The following WDR7 variants were observed in gnomAD, a reference collection of about 807,000 sequenced individuals.
WDR7 encodes the protein WD repeat-containing protein 7.
In WDR7, 46 loss-of-function variants were observed where a neutral mutation model predicts 169.4. The observed-to-expected ratio is 0.27, with a 90% CI of 0.21 to 0.35. The LOEUF (loss-of-function observed/expected upper bound fraction) is 0.35. WDR7 is among the 10% of genes least tolerant of loss of function. The pLI is 1.00. For missense variants in WDR7, 1,534 were observed against 1,859.3 expected (o/e 0.83, Z 3.22); for synonymous variants, 612 against 666.8 (o/e 0.92, Z 1.27).
At chr18:56,806,686 T>C (rs2044779188) in intron 19 of WDR7, among the ~76,000 whole-genome samples, 4 of 152,166 alleles carry the variant, frequency 2.6e-5, no homozygotes, top group Admixed American at 2.6e-4. Context: ...TGTGCTTAAA[T>C]TTATTTAATG....
intron 20 of WDR7, among the ~76,000 whole-genome samples, chr18:56,876,261 A>T (rs2046020509): frequency 2.0e-5 from 3 of 152,192 alleles, no homozygotes; most frequent in Admixed American, 1.3e-4. Context: ...TTTAATCAAC[A>T]TATAGCGCAA....
At chr18:56,769,655 A>C (rs2044122401) in intron 16 of WDR7, among the ~76,000 whole-genome samples, 1 of 152,232 alleles carries the variant, frequency 6.6e-6, no homozygotes, top group Non-Finnish European at 1.5e-5. Context: ...AAGTTTAAGC[A>C]ATGTAAAGTT....
intron 21 of WDR7, among the ~76,000 whole-genome samples, chr18:56,890,345 T>G (rs545044240): frequency 8.3e-4 from 126 of 152,312 alleles, no homozygotes; most frequent in African/African-American, 2.8e-3. Context: ...AAGTACTCCC[T>G]GTGCTTTTTA....
At chr18:57,002,254 T>A (rs908540245) in intron 26 of WDR7, among the ~76,000 whole-genome samples, 2 of 152,154 alleles carry the variant, frequency 1.3e-5, no homozygotes, top group African/African-American at 2.4e-5. Context: ...CATAAAAAAA[T>A]TAAACATAAC....
chr18:56,942,438 T>C (rs897582210), intron 25 of WDR7, among the ~76,000 whole-genome samples: 1 of 152,214 alleles, frequency 6.6e-6, no homozygotes, highest in Non-Finnish European at 1.5e-5. Context: ...CTGTCTGGTT[T>C]CTTTATGCAG....
At chr18:56,690,607 G>C (rs2025543745) in intron 7 of WDR7, among the ~76,000 whole-genome samples, 1 of 152,096 alleles carries the variant, frequency 6.6e-6, no homozygotes, top group South Asian at 2.1e-4. Flanking sequence ...TTGAGCCCAG[G>C]AGTTCGAGAC....
chr18:56,787,925 C>T (rs889503124), intron 19 of WDR7, among the ~76,000 whole-genome samples: 6 of 152,054 alleles, frequency 3.9e-5, no homozygotes, highest in African/African-American at 1.2e-4. Flanking sequence ...AGGAAGAGGA[C>T]GGGGGGAAGG....
At chr18:57,010,437 A>G (rs2048120697) in intron 26 of WDR7, 1 of 330,638 alleles carries the variant, frequency 3.0e-6, no homozygotes, top group Non-Finnish European at 4.3e-6. Flanking sequence ...ATATTTTTAA[A>G]TGTTAAATTA....
intron 22 of WDR7, among the ~76,000 whole-genome samples, chr18:56,935,057 C>A (rs1424350320): frequency 6.6e-6 from 1 of 152,086 alleles, no homozygotes; most frequent in Non-Finnish European, 1.5e-5. Flanking sequence ...TAGCATCACT[C>A]TCCTATCATG....
At chr18:56,854,255 C>T (rs2045684039) in intron 20 of WDR7, among the ~76,000 whole-genome samples, 1 of 152,214 alleles carries the variant, frequency 6.6e-6, no homozygotes, top group African/African-American at 2.4e-5. Context: ...CAGCTGACTA[C>T]AAAACATACT....
At chr18:56,691,184 G>C (rs761298496) in intron 7 of WDR7, 32 bp from the exon 8 acceptor site, 1 of 1,595,438 alleles carries the variant, frequency 6.3e-7, no homozygotes, top group East Asian at 2.3e-5. Flanking sequence ...CAACAATATG[G>C]AGTAGATTGT....
chr18:56,900,863 T>G (rs2046392499), intron 21 of WDR7, among the ~76,000 whole-genome samples: 1 of 152,170 alleles, frequency 6.6e-6, no homozygotes, highest in South Asian at 2.1e-4. Context: ...TTTTTCCCCT[T>G]GCCGGATCTC....
intron 16 of WDR7, 111 bp downstream of exon 16, chr18:56,759,064 A>G (rs1236110442): frequency 2.5e-6 from 2 of 793,080 alleles, no homozygotes; most frequent in Non-Finnish European, 3.7e-6. Context: ...GTTAAAAGAG[A>G]GAAAAGTTGT....
chr18:57,015,559 G>C (rs2048194735), intron 26 of WDR7, among the ~76,000 whole-genome samples: 1 of 151,972 alleles, frequency 6.6e-6, no homozygotes, highest in South Asian at 2.1e-4. Context: ...CGATGTCTTT[G>C]TCTTCTCTCT....
chr18:56,777,535 A>G (rs2044259323), intron 17 of WDR7, among the ~76,000 whole-genome samples: 1 of 152,166 alleles, frequency 6.6e-6, no homozygotes, highest in East Asian at 1.9e-4. Context: ...CCTTTATTCC[A>G]TAAGACCTAT....
At chr18:56,662,429 A>G (rs1285959450) in intron 1 of WDR7, among the ~76,000 whole-genome samples, 1 of 152,252 alleles carries the variant, frequency 6.6e-6, no homozygotes, top group African/African-American at 2.4e-5. Context: ...TCTTATCAGA[A>G]TATCGCCCCA....
chr18:56,698,018 A>G (rs2025741261), intron 12 of WDR7, among the ~76,000 whole-genome samples: 1 of 151,432 alleles, frequency 6.6e-6, no homozygotes. Context: ...ACATGGAGAA[A>G]CCCCTTCTCT....
At chr18:56,972,649 T>C (rs1436147759) in intron 26 of WDR7, among the ~76,000 whole-genome samples, 3 of 152,196 alleles carry the variant, frequency 2.0e-5, no homozygotes, top group African/African-American at 7.2e-5. Flanking sequence ...CCTAACAAGC[T>C]ACTAGTTTTA....
At chr18:56,821,636 C>T (rs1033103205) in intron 20 of WDR7, among the ~76,000 whole-genome samples, 10 of 138,724 alleles carry the variant, frequency 7.2e-5, no homozygotes, top group African/African-American at 2.3e-4. Context: ...ATTATTCCCC[C>T]TGCATACCCC....
Sources: gnomAD v4.1 joint callset for allele counts (sites outside exome capture counted in the v4.1 genomes callset) on GRCh38, gnomAD v4.1.1 for gene constraint, MANE v1.5 for transcripts, NCBI Gene and HGNC (gene_info 2026-07-23, HGNC 2026-07-21) for gene names.